The following SCMH1 variants were observed in gnomAD, a reference collection of about 807,000 sequenced individuals.
The protein encoded by SCMH1 is Scm polycomb group protein homolog 1.
Under a neutral mutation model 70.8 loss-of-function variants are expected in SCMH1, and 37 were observed. The ratio of observed to expected loss-of-function variants is 0.52; its 90% CI spans 0.40 to 0.69. The LOEUF (loss-of-function observed/expected upper bound fraction) is 0.69. Among genes scored for constraint, SCMH1 ranks in the 30% least tolerant of loss-of-function variants. The pLI is 0.00. For missense variants in SCMH1, 607 were observed against 827.3 expected, an observed-to-expected ratio of 0.73 and a Z score of 3.27; for synonymous variants, 292 against 307.4, an observed-to-expected ratio of 0.95 and a Z score of 0.52.
chr1:41,151,875 C>A (rs1238391725), intron 4 of SCMH1, among the ~76,000 whole-genome samples, 191 bp from the exon 5 acceptor site: 2 of 152,108 alleles, frequency 1.3e-5, no homozygotes, highest in African/African-American at 4.8e-5. Context: ...GTTTTAGATT[C>A]ACGTTTTAAA....
At chr1:41,188,548 C>T (rs927892729) in intron 1 of SCMH1, among the ~76,000 whole-genome samples, 6 of 152,144 alleles carry the variant, frequency 3.9e-5, no homozygotes, top group African/African-American at 1.2e-4. Context: ...ATTAGACATA[C>T]ATGGTTGTGG....
At chr1:41,193,528 G>T (rs941648322) in intron 1 of SCMH1, among the ~76,000 whole-genome samples, 2 of 152,112 alleles carry the variant, frequency 1.3e-5, no homozygotes, top group Admixed American at 6.5e-5. Flanking sequence ...AGGGGTTGGG[G>T]GGGGGTTGAG....
At chr1:41,144,462 T>C (rs1208373742) in intron 5 of SCMH1, among the ~76,000 whole-genome samples, 24 of 152,212 alleles carry the variant, frequency 1.6e-4, no homozygotes, top group Admixed American at 1.6e-3. Flanking sequence ...TGATGAACAA[T>C]ATTCCATTGT....
At chr1:41,190,086 TC>T (rs886160729) in intron 1 of SCMH1, among the ~76,000 whole-genome samples, 2 of 152,242 alleles carry the variant, frequency 1.3e-5, no homozygotes, top group Admixed American at 6.5e-5. Context: ...ACGATGACAG[TC>T]CTGGATGCTC....
At chr1:41,191,049 A>AT (rs953206805) in intron 1 of SCMH1, among the ~76,000 whole-genome samples, 1 of 151,978 alleles carries the variant, frequency 6.6e-6, no homozygotes, top group African/African-American at 2.4e-5. Context: ...TAACTTTTTT[A>AT]TTTTTTGTAG....
intron 13 of SCMH1, among the ~76,000 whole-genome samples, chr1:41,035,505 C>G (rs143499890): frequency 2.0e-5 from 3 of 152,272 alleles, no homozygotes; most frequent in Non-Finnish European, 2.9e-5. Flanking sequence ...TAAGACTAGT[C>G]CAGTCTATCA....
At chr1:41,075,116 C>A in intron 9 of SCMH1, 103 bp downstream of exon 9, 3 of 1,075,390 alleles carry the variant, frequency 2.8e-6, no homozygotes, top group Non-Finnish European at 2.8e-6. Context: ...CCCGCCTCGG[C>A]CTCCCATTAA....
intron 10 of SCMH1, among the ~76,000 whole-genome samples, chr1:41,065,798 T>C (rs115310139): frequency 0.016 from 2,468 of 152,288 alleles, 26 homozygotes; most frequent in South Asian, 0.03. Context: ...ACCTACACTC[T>C]TGAAAAAAAG....
At chr1:41,167,448 G>C (rs1646482999) in intron 2 of SCMH1, among the ~76,000 whole-genome samples, 1 of 152,116 alleles carries the variant, frequency 6.6e-6, no homozygotes, top group Non-Finnish European at 1.5e-5. Context: ...GACTGGTATT[G>C]GTTCTTCTTT....
intron 4 of SCMH1, among the ~76,000 whole-genome samples, chr1:41,156,677 G>A (rs972259890): frequency 6.6e-6 from 1 of 152,138 alleles, no homozygotes; most frequent in Non-Finnish European, 1.5e-5. Context: ...GAGCTCAAGT[G>A]ATCTAACTGC....
chr1:41,064,256 T>C (rs1344804875), intron 10 of SCMH1, among the ~76,000 whole-genome samples: 1 of 152,148 alleles, frequency 6.6e-6, no homozygotes, highest in Admixed American at 6.5e-5. Context: ...ACTTAATAAA[T>C]AACATCTACA....
intron 1 of SCMH1, among the ~76,000 whole-genome samples, chr1:41,213,583 A>C (rs1265227754): frequency 6.6e-6 from 1 of 152,164 alleles, no homozygotes; most frequent in Non-Finnish European, 1.5e-5. Context: ...AGAGAGACCA[A>C]GAAGAATCTG....
chr1:41,237,574 C>T (rs1210052611), intron 1 of SCMH1, among the ~76,000 whole-genome samples: 4 of 152,164 alleles, frequency 2.6e-5, no homozygotes, highest in African/African-American at 4.8e-5. Flanking sequence ...AATACCAATG[C>T]CCCAGCCCAT....
chr1:41,085,067 G>A (rs1233600638), intron 8 of SCMH1, among the ~76,000 whole-genome samples: 6 of 151,158 alleles, frequency 4.0e-5, no homozygotes, highest in Non-Finnish European at 8.8e-5. Context: ...CATGGCACAT[G>A]TATACATATG....
chr1:41,155,097 A>G (rs1407708868), intron 4 of SCMH1, among the ~76,000 whole-genome samples: 1 of 152,236 alleles, frequency 6.6e-6, no homozygotes, highest in Non-Finnish European at 1.5e-5. Context: ...TTTACAGATG[A>G]GAAAAAGCCA....
chr1:41,211,723 T>C (rs1309943827), intron 1 of SCMH1, among the ~76,000 whole-genome samples: 1 of 152,204 alleles, frequency 6.6e-6, no homozygotes, highest in Non-Finnish European at 1.5e-5. Flanking sequence ...ACACATATGT[T>C]TACTGTGGCA....
intron 2 of SCMH1, among the ~76,000 whole-genome samples, chr1:41,163,856 A>C (rs2148449933): frequency 6.6e-6 from 1 of 152,342 alleles, no homozygotes; most frequent in African/African-American, 2.4e-5. Context: ...CACAGCAAAT[A>C]TAAACAACTG....
intron 8 of SCMH1, among the ~76,000 whole-genome samples, chr1:41,085,682 T>A (rs968916649): frequency 4.6e-5 from 7 of 152,148 alleles, no homozygotes; most frequent in African/African-American, 1.7e-4. Flanking sequence ...CAAACTGAGA[T>A]GTGCTGTAAA....
At chr1:41,164,818 T>G (rs959307052) in intron 2 of SCMH1, among the ~76,000 whole-genome samples, 2 of 152,136 alleles carry the variant, frequency 1.3e-5, no homozygotes, top group Non-Finnish European at 2.9e-5. Context: ...TACGTACACA[T>G]TGTGGAATGA....
Sources: allele counts gnomAD v4.1 joint callset (sites outside exome capture counted in the v4.1 genomes callset), GRCh38; gene constraint gnomAD v4.1.1; transcripts MANE v1.5; gene names NCBI Gene and HGNC (gene_info 2026-07-23, HGNC 2026-07-21).